ZNF431: variants seen among roughly 807,000 people sequenced by gnomAD.
ZNF431 encodes the protein zinc finger protein 431.
ZNF431 carries 34 observed loss-of-function variants against 57.0 expected under a neutral mutation model. The ratio of observed to expected loss-of-function variants is 0.60; its 90% CI spans 0.45 to 0.79. The LOEUF (loss-of-function observed/expected upper bound fraction) is 0.79, where lower values mean the gene tolerates loss of function less well. Ranked by LOEUF, ZNF431 falls within the 30% of genes least tolerant of loss-of-function variation. The probability of loss-of-function intolerance (pLI) is 0.00; values close to 1 mark genes in which losing one functional copy is unlikely to be tolerated. For missense variants in ZNF431, 607 were observed against 667.1 expected (o/e 0.91, Z 0.99); for synonymous variants, 207 against 220.3 (o/e 0.94, Z 0.54).
At chr19:21,145,370 G>A (rs1350072672) in intron 2 of ZNF431, among the ~76,000 whole-genome samples, 3 of 152,182 alleles carry the variant, frequency 2.0e-5, no homozygotes, top group Non-Finnish European at 2.9e-5. Flanking sequence ...CAGCTTACTC[G>A]GGAGGCTGAG....
chr19:21,163,003 A>T (rs1970618587), intron 2 of ZNF431, among the ~76,000 whole-genome samples: 1 of 152,314 alleles, frequency 6.6e-6, no homozygotes, highest in East Asian at 1.9e-4. Flanking sequence ...TTTTATTTTT[A>T]AAAATGACAG....
intron 3 of ZNF431, among the ~76,000 whole-genome samples, chr19:21,167,246 C>T (rs2358807): frequency 0.74 from 112,735 of 151,624 alleles, 42,866 homozygotes; most frequent in Middle Eastern, 0.86. Flanking sequence ...CTGCCACCTC[C>T]GCCTCCCGGG....
rs1361635337 is a variant in ZNF431 at position 21,182,951 on chromosome 19, T to C, written c.648T>C (p.Leu216=). 1.2e-6 allele frequency: 2 copies of C among 1,614,086 alleles called. No homozygotes were observed. Among genetic ancestry groups the C allele is most frequent in the Non-Finnish European group, 8.5e-7 (1 of 1,179,960 alleles). Residue 216 remains leucine (L), a synonymous_variant, in exon 5 of 5, where the codon CTT becomes CTC. Transcript: ENST00000311048. ...AATGTGGCAAATCATTTTGCATGCT[T>C]TTACACCTAAGTCAACATAAAAGAA... The part of the protein sequence containing the change: ...CKKCGKSFCM[L]LHLSQHKRIH...
At chr19:21,181,984 T>C (rs1363346617) in intron 4 of ZNF431, among the ~76,000 whole-genome samples, 1 of 152,176 alleles carries the variant, frequency 6.6e-6, no homozygotes, top group Non-Finnish European at 1.5e-5. Context: ...TCAAACATGT[T>C]CTTTGAATGT....
intron 4 of ZNF431, among the ~76,000 whole-genome samples, chr19:21,173,196 C>G (rs943404428): frequency 6.6e-6 from 1 of 152,048 alleles, no homozygotes; most frequent in Non-Finnish European, 1.5e-5. Flanking sequence ...TTAAGAGACA[C>G]CTGGGTTGCT....
At chr19:21,144,834 G>T (rs989328350) in intron 2 of ZNF431, among the ~76,000 whole-genome samples, 1 of 152,116 alleles carries the variant, frequency 6.6e-6, no homozygotes, top group African/African-American at 2.4e-5. Context: ...TGCTCTTTTT[G>T]CAGGGTGAAT....
In ZNF431 at chr19:21,182,826, A is replaced by G; in HGVS notation, c.523A>G (p.Ile175Val). 2.5e-6 allele frequency: 4 copies of G among 1,614,022 alleles called. No individual in the cohort carries two copies. Among genetic ancestry groups the G allele is most frequent in the South Asian group, 1.1e-5 (1 of 91,080 alleles). Reference protein sequence around the residue: ...NQCLTTTQSKIFPCDKYVKVF... With the variant: ...NQCLTTTQSKVFPCDKYVKVF... ...GTGTTTGACAACTACCCAGAGCAAA[A>G]TATTTCCATGTGATAAATATGTGAA... Residue 175 changes from isoleucine (I) to valine (V), a missense_variant, in exon 5 of 5, where the codon ATA (isoleucine) becomes GTA (valine). Transcript: ENST00000311048.
At position 21,184,060 on chromosome 19, in the gene ZNF431, T is replaced by C. The variant is rs1971296942; in HGVS notation, c.*26T>C. 2 of 1,527,636 alleles carry C rather than the reference T, an allele frequency of 1.3e-6. No individual in the cohort carries two copies. The highest frequency in any genetic ancestry group is 4.5e-5 in the East Asian group (2 of 44,278). 94.6% of individuals were successfully genotyped at this position (1,527,636 alleles called of 1,614,324 possible). A position where few individuals can be genotyped will look rare whatever the true frequency, so the allele number is the denominator to read the frequency against. On this transcript the variant is annotated 3_prime_UTR_variant, in exon 5 of 5. Transcript: ENST00000311048. ...GCAGTCCTCAACTCTTACTAAGCAT[T>C]AAATATTGGCCGGGTGCGGTGGCTT...
At chr19:21,142,328 G>A in intron 1 of ZNF431, 142 bp downstream of exon 1, 1 of 1,160,706 alleles carries the variant, frequency 8.6e-7, no homozygotes, top group Non-Finnish European at 1.3e-6. Flanking sequence ...CTCGGCCTCA[G>A]TCCCCTCCAG....
chr19:21,166,487 C>G (rs771976982), intron 3 of ZNF431, 26 bp downstream of exon 3: 1 of 1,579,866 alleles, frequency 6.3e-7, no homozygotes, highest in South Asian at 1.2e-5. Context: ...ATACACAATT[C>G]TTAATATGCC....
At chr19:21,161,464 A>T (rs1375718307) in intron 2 of ZNF431, among the ~76,000 whole-genome samples, 1 of 152,122 alleles carries the variant, frequency 6.6e-6, no homozygotes, top group African/African-American at 2.4e-5. Flanking sequence ...GAAAACCTTG[A>T]GAGATTTGTT....
At chr19:21,166,484 A>G (rs1256227543) in intron 3 of ZNF431, 23 bp downstream of exon 3, 4 of 1,581,696 alleles carry the variant, frequency 2.5e-6, no homozygotes, top group Non-Finnish European at 3.4e-6. Flanking sequence ...TTCATACACA[A>G]TTCTTAATAT....
chr19:21,188,236 C>T lies in ZNF431; in HGVS notation c.*4202C>T, dbSNP rs903955849. Reference sequence around the variant, plus strand: ...CTGGGCCACTGCACTTCAGCCTGGGCAACAAGAGCGAAATTCTGTCTAAAA... The same window carrying T: ...CTGGGCCACTGCACTTCAGCCTGGGTAACAAGAGCGAAATTCTGTCTAAAA... On this transcript the variant is annotated 3_prime_UTR_variant, in exon 5 of 5. Coordinates refer to ENST00000311048, the MANE Select transcript of ZNF431 (RefSeq NM_133473.4). The T allele has an allele frequency of 3.6e-5, 5 of 140,820 alleles. No individual in the cohort carries two copies. The Admixed American group carries it at 3.6e-4, about 10-fold the overall frequency. The allele number at this position is 140,820 out of a possible 1,614,324, so 8.7% of individuals were successfully genotyped here. A position where few individuals can be genotyped will look rare whatever the true frequency, so the allele number is the denominator to read the frequency against.
chr19:21,153,368 T>C (rs1401409873), intron 2 of ZNF431, among the ~76,000 whole-genome samples: 1 of 152,208 alleles, frequency 6.6e-6, no homozygotes, highest in East Asian at 1.9e-4. Context: ...CTATTCAAAA[T>C]AGAGGCTGCT....
intron 2 of ZNF431, among the ~76,000 whole-genome samples, chr19:21,159,816 A>G (rs773157685): frequency 1.4e-4 from 21 of 152,040 alleles, no homozygotes; most frequent in Non-Finnish European, 2.8e-4. Flanking sequence ...TTTGGTTATT[A>G]GGCTATTTAT....
chr19:21,191,991 G>GT lies in ZNF431; in HGVS notation c.*7958dup, dbSNP rs1219134618. On this transcript the variant is annotated 3_prime_UTR_variant, in exon 5 of 5. Coordinates refer to ENST00000311048, the MANE Select transcript of ZNF431 (RefSeq NM_133473.4). Reference sequence around the variant, plus strand: ...GTCAGTTCATGAATAGTCCATTTATGTATTAATTTCTATTTAGAATGTAAG... The same window carrying GT: ...GTCAGTTCATGAATAGTCCATTTATGTTATTAATTTCTATTTAGAATGTAAG... The GT allele has an allele frequency of 1.1e-4, 16 of 152,086 alleles. No individual in the cohort carries two copies. The highest frequency in any genetic ancestry group is 3.9e-4 in the African/African-American group (16 of 41,398). The allele number at this position is 152,086 out of a possible 1,614,324, so 9.4% of individuals were successfully genotyped here.
chr19:21,162,956 C>A (rs1381020960), intron 2 of ZNF431, among the ~76,000 whole-genome samples: 1 of 151,660 alleles, frequency 6.6e-6, no homozygotes, highest in Non-Finnish European at 1.5e-5. Context: ...ATTCTGTATC[C>A]CTCCTATCTG....
intron 4 of ZNF431, among the ~76,000 whole-genome samples, chr19:21,177,950 ATTCT>A (rs975976987): frequency 2.2e-4 from 34 of 151,884 alleles, no homozygotes; most frequent in African/African-American, 8.0e-4. Flanking sequence ...TTTTTACAAT[ATTCT>A]TTCTATCTTT....
intron 2 of ZNF431, among the ~76,000 whole-genome samples, chr19:21,156,004 C>T (rs1391734135): frequency 1.3e-5 from 2 of 152,126 alleles, no homozygotes; most frequent in Admixed American, 1.3e-4. Context: ...TTTCACAAAG[C>T]TGCCACCACA....
Sources: allele counts gnomAD v4.1 joint callset (sites outside exome capture counted in the v4.1 genomes callset), GRCh38; gene constraint gnomAD v4.1.1; transcripts MANE v1.5; gene names NCBI Gene and HGNC (gene_info 2026-07-23, HGNC 2026-07-21).